Variants in GRK5 observed in about 807,000 individuals in gnomAD.
GRK5 encodes the protein G protein-coupled receptor kinase 5.
A neutral mutation model predicts 78.4 loss-of-function variants in GRK5; 40 were observed. The ratio of observed to expected loss-of-function variants is 0.51; its 90% CI spans 0.40 to 0.66. The LOEUF (loss-of-function observed/expected upper bound fraction) is 0.66. GRK5 is among the 30% of genes least tolerant of loss of function. The pLI, the probability that GRK5 is intolerant of heterozygous loss-of-function variation, is 0.00. For synonymous variants in GRK5, 289 were observed against 296.8 expected (o/e 0.97, Z 0.27); for missense variants, 598 against 759.9 (o/e 0.79, Z 2.50).
intron 3 of GRK5, among the ~76,000 whole-genome samples, chr10:119,394,148 GTGTGTC>G (rs1851941243): frequency 1.4e-5 from 2 of 143,444 alleles, no homozygotes; most frequent in Non-Finnish European, 1.5e-5. Flanking sequence ...CTGTGGGTAT[GTGTGTC>G]TGTGTGTGGG....
intron 1 of GRK5, among the ~76,000 whole-genome samples, chr10:119,236,157 C>T (rs1276094750): frequency 6.6e-6 from 1 of 152,174 alleles, no homozygotes; most frequent in Non-Finnish European, 1.5e-5. Context: ...AGGCTGATCA[C>T]CTGAGGTCAG....
intron 1 of GRK5, among the ~76,000 whole-genome samples, chr10:119,321,802 T>A (rs1388220567): frequency 6.6e-6 from 1 of 152,156 alleles, no homozygotes; most frequent in Non-Finnish European, 1.5e-5. Context: ...GCCCAGGCCG[T>A]AGCTGGAGAG....
At chr10:119,338,722 C>T (rs1328066741) in intron 2 of GRK5, among the ~76,000 whole-genome samples, 2 of 139,044 alleles carry the variant, frequency 1.4e-5, no homozygotes, top group African/African-American at 5.8e-5. Flanking sequence ...TCCACCCAGG[C>T]CCCCGGTCTC....
chr10:119,455,713 C>A lies in GRK5; in HGVS notation c.*646C>A. On this transcript the variant is annotated 3_prime_UTR_variant, in exon 16 of 16. Coordinates refer to ENST00000392870, the MANE Select transcript of GRK5 (RefSeq NM_005308.3). ...CACCCTTCTGTCGGCTTGGAACAAT[C>A]TGAATTAAATGTTCCAGACACACGT... 2 of 229,856 alleles carry A rather than the reference C, an allele frequency of 8.7e-6. No homozygotes were observed. The highest frequency in any genetic ancestry group is 1.7e-5 in the Non-Finnish European group (2 of 118,772). 14.2% of individuals were successfully genotyped at this position (229,856 alleles called of 1,614,324 possible).
intron 4 of GRK5, among the ~76,000 whole-genome samples, chr10:119,408,399 C>A (rs1480806019): frequency 1.4e-5 from 2 of 145,090 alleles, no homozygotes; most frequent in Non-Finnish European, 3.0e-5. Flanking sequence ...TACTAGTGTG[C>A]AAATATTTAT....
chr10:119,207,821 A>G lies in GRK5; in HGVS notation c.-97A>G, dbSNP rs1848410726. On this transcript the variant is annotated 5_prime_UTR_variant, in exon 1 of 16. Transcript: ENST00000392870. Reference sequence around the variant, plus strand: ...GGCTGCTGGCTCCCCCGGCTCCGGCAGCAGCGGCGGCAGCCCGAGCAGCGG... The same window carrying G: ...GGCTGCTGGCTCCCCCGGCTCCGGCGGCAGCGGCGGCAGCCCGAGCAGCGG... 1 of 1,193,420 alleles carries G rather than the reference A, an allele frequency of 8.4e-7. No homozygotes were observed. The highest frequency in any genetic ancestry group is 1.2e-6 in the Non-Finnish European group (1 of 856,214). 73.9% of individuals were successfully genotyped at this position (1,193,420 alleles called of 1,614,324 possible).
chr10:119,265,008 G>A (rs540139820), intron 1 of GRK5, among the ~76,000 whole-genome samples: 113 of 152,322 alleles, frequency 7.4e-4, no homozygotes, highest in Non-Finnish European at 1.2e-3. Flanking sequence ...TGCTGAGCTG[G>A]TTGGGGCTCA....
intron 1 of GRK5, among the ~76,000 whole-genome samples, chr10:119,288,227 C>T (rs370200294): frequency 3.3e-5 from 5 of 152,172 alleles, no homozygotes; most frequent in Admixed American, 6.5e-5. Flanking sequence ...TGGGGAAGGC[C>T]GTGGCTTACC....
chr10:119,438,697 C>T (rs1051046411), intron 9 of GRK5, among the ~76,000 whole-genome samples: 3 of 152,234 alleles, frequency 2.0e-5, no homozygotes, highest in Admixed American at 6.5e-5. Context: ...CACGGCCTCT[C>T]TTTGGGCTCC....
intron 3 of GRK5, among the ~76,000 whole-genome samples, chr10:119,392,983 G>A (rs772858707): frequency 3.3e-5 from 5 of 152,250 alleles, no homozygotes; most frequent in African/African-American, 4.8e-5. Flanking sequence ...GGGCAAGGGT[G>A]TTCTCAGGGC....
At chr10:119,369,682 T>C (rs1440135736) in intron 2 of GRK5, among the ~76,000 whole-genome samples, 1 of 152,260 alleles carries the variant, frequency 6.6e-6, no homozygotes, top group Non-Finnish European at 1.5e-5. Context: ...GCACTGCTGA[T>C]GCGCCAGGTG....
chr10:119,419,070 G>A (rs910660307), intron 4 of GRK5, among the ~76,000 whole-genome samples: 4 of 152,184 alleles, frequency 2.6e-5, no homozygotes, highest in Non-Finnish European at 4.4e-5. Flanking sequence ...AGTGGAGTGA[G>A]GGTAACATTT....
At chr10:119,315,593 A>G (rs1228545958) in intron 1 of GRK5, among the ~76,000 whole-genome samples, 2 of 152,180 alleles carry the variant, frequency 1.3e-5, no homozygotes, top group African/African-American at 4.8e-5. Context: ...CAGCCTCCCC[A>G]CGGTGATATT....
intron 1 of GRK5, among the ~76,000 whole-genome samples, chr10:119,313,166 A>G (rs1001828121): frequency 1.4e-3 from 130 of 92,854 alleles, no homozygotes; most frequent in African/African-American, 2.0e-3. Context: ...TGGTAATGGT[A>G]GTGGTGGTGG....
rs531716692 is a variant in GRK5, at chr10:119,280,231, T to C, written c.53-46285T>C. Among the ~76,000 whole-genome samples the C allele has an allele frequency of 2.0e-5, 3 of 152,334 alleles. No individual in the cohort carries two copies. The East Asian group carries it at 5.8e-4, about 29-fold the overall frequency. On this transcript the variant is annotated intron_variant, in intron 1 of 15. Coordinates refer to ENST00000392870, the MANE Select transcript of GRK5 (RefSeq NM_005308.3). ...TGGTCCAGGGACAAATTATGCTTAG[T>C]AATGGATTATCCCAAACATGCTTTG...
chr10:119,369,369 G>A (rs1309242289), intron 2 of GRK5, among the ~76,000 whole-genome samples: 1 of 152,160 alleles, frequency 6.6e-6, no homozygotes, highest in Non-Finnish European at 1.5e-5. Context: ...ACTGACCAAG[G>A]CTGTCCCAGG....
intron 1 of GRK5, among the ~76,000 whole-genome samples, chr10:119,284,312 G>A (rs1231399723): frequency 6.6e-6 from 1 of 151,892 alleles, no homozygotes; most frequent in Non-Finnish European, 1.5e-5. Context: ...TATCATTTTA[G>A]TATATCATTA....
rs530911127 is a variant in GRK5 at position 119,254,824 on chromosome 10, A to G, written c.52+46855A>G. ...AATCTCAGCACTTTGGGAGGCTGAG[A>G]CGGATGGATCACCTGAGGTCAGGAG... On this transcript the variant is annotated intron_variant, in intron 1 of 15. Coordinates refer to ENST00000392870, the MANE Select transcript of GRK5 (RefSeq NM_005308.3). Among the ~76,000 whole-genome samples, 5 of 152,020 alleles carry G rather than the reference A, an allele frequency of 3.3e-5. No individual in the cohort carries two copies. The South Asian group carries it at 1.0e-3, about 32-fold the overall frequency.
chr10:119,237,192 A>G (rs745454081), intron 1 of GRK5, among the ~76,000 whole-genome samples: 33 of 150,790 alleles, frequency 2.2e-4, no homozygotes, highest in Non-Finnish European at 3.2e-4. Context: ...CCACTTGAGT[A>G]GCTGGGATTA....
Sources: allele counts gnomAD v4.1 joint callset (sites outside exome capture counted in the v4.1 genomes callset), GRCh38; gene constraint gnomAD v4.1.1; transcripts MANE v1.5; gene names NCBI Gene and HGNC (gene_info 2026-07-23, HGNC 2026-07-21).